CNTRL: variants seen among roughly 807,000 people sequenced by gnomAD.
CNTRL encodes centriolin.
Under a neutral mutation model 303.7 loss-of-function variants are expected in CNTRL, and 233 were observed. That is an observed-to-expected ratio of 0.77 (90% CI 0.69 to 0.86). CNTRL has a LOEUF of 0.86. Ranked by LOEUF, CNTRL falls within the 40% of genes least tolerant of loss-of-function variation. CNTRL has a pLI of 0.00. For synonymous variants in CNTRL, 900 were observed against 922.2 expected, an observed-to-expected ratio of 0.98 and a Z score of 0.44; for missense variants, 2,524 against 2,650.6, an observed-to-expected ratio of 0.95 and a Z score of 1.05.
At chr9:121,167,034 A>AG (rs1267471790) in intron 36 of CNTRL, among the ~76,000 whole-genome samples, 1 of 148,272 alleles carries the variant, frequency 6.7e-6, no homozygotes, top group Non-Finnish European at 1.5e-5. Context: ...AAAAAAAAAA[A>AG]GTTAACATTA....
rs146003402 is a variant in CNTRL at position 121,148,781 on chromosome 9, G to T, written c.3569G>T (p.Gly1190Val). 3.3e-5 allele frequency: 53 copies of T among 1,614,044 alleles called. No homozygotes were observed. The African/African-American group carries it at 5.1e-4, about 15-fold the overall frequency. The stretch of plus-strand genomic sequence containing the variant: ...CCTGGGCAGCAGGATGGGAAGGAAG[G>T]CAGTCAACCTCCCCCTGCCTCAGGA... ...PRPGQQDGKEGSQPPPASGYW... is the reference protein window; with the variant it reads ...PRPGQQDGKEVSQPPPASGYW... The change falls in exon 24 of 44, where the codon GGC becomes GTC. Residue 1190 changes from glycine (G) to valine (V), a missense_variant. Gly to Val is a moderately radical substitution (Grantham distance 109, BLOSUM62 -3). Coordinates refer to ENST00000373855, the MANE Select transcript of CNTRL (RefSeq NM_007018.6).
At chr9:121,101,220 C>G (rs945217301) in intron 7 of CNTRL, among the ~76,000 whole-genome samples, 3 of 152,304 alleles carry the variant, frequency 2.0e-5, no homozygotes, top group Admixed American at 2.0e-4. Flanking sequence ...CCAGTGCAAT[C>G]AAACTAGAAC....
chr9:121,081,245 A>G (rs2132046043), intron 2 of CNTRL, among the ~76,000 whole-genome samples: 1 of 152,322 alleles, frequency 6.6e-6, no homozygotes, highest in South Asian at 2.1e-4. Context: ...GTGAAGTTAT[A>G]TTATCTTTTA....
intron 1 of CNTRL, among the ~76,000 whole-genome samples, chr9:121,077,828 C>A (rs1271832050): frequency 6.6e-6 from 1 of 150,602 alleles, no homozygotes; most frequent in Non-Finnish European, 1.5e-5. Flanking sequence ...CGCCTGTAGT[C>A]CCAGCTACTC....
At chr9:121,083,415 G>A (rs4836837) in intron 2 of CNTRL, among the ~76,000 whole-genome samples, 90,833 of 151,792 alleles carry the variant, frequency 0.6, 29,371 homozygotes, top group South Asian at 0.89. Context: ...AAACTGAGAC[G>A]CAAACACACA....
At chr9:121,123,097 T>C (rs1184613649) in intron 12 of CNTRL, among the ~76,000 whole-genome samples, 1 of 152,214 alleles carries the variant, frequency 6.6e-6, no homozygotes, top group Non-Finnish European at 1.5e-5. Flanking sequence ...TTAATTTTTT[T>C]ATTAAAAAGG....
chr9:121,159,634 G>A (rs2052755820), intron 31 of CNTRL, among the ~76,000 whole-genome samples: 1 of 150,948 alleles, frequency 6.6e-6, no homozygotes, highest in East Asian at 2.0e-4. Context: ...GCAGTGAGCC[G>A]AGATCGTGCC....
intron 19 of CNTRL, among the ~76,000 whole-genome samples, chr9:121,142,671 A>G (rs1588239704): frequency 6.6e-6 from 1 of 152,020 alleles, no homozygotes; most frequent in East Asian, 1.9e-4. Context: ...TCAACCATCT[A>G]CTCCCATTGT....
At chr9:121,109,343 G>A (rs2049637276) in intron 8 of CNTRL, among the ~76,000 whole-genome samples, 1 of 152,124 alleles carries the variant, frequency 6.6e-6, no homozygotes, top group African/African-American at 2.4e-5. Context: ...GATATGGAGA[G>A]TAGACTGTAT....
chr9:121,100,244 G>C (rs2049090364), intron 7 of CNTRL, among the ~76,000 whole-genome samples: 1 of 152,116 alleles, frequency 6.6e-6, no homozygotes, highest in African/African-American at 2.4e-5. Context: ...AGAGAGTAGG[G>C]GCCAATATTC....
chr9:121,107,184 G>A (rs1248356338), intron 7 of CNTRL, among the ~76,000 whole-genome samples: 1 of 152,120 alleles, frequency 6.6e-6, no homozygotes, highest in Non-Finnish European at 1.5e-5. Flanking sequence ...CTTAAGACCT[G>A]TAGGATGCAA....
chr9:121,175,203 C>A lies in CNTRL; in HGVS notation c.6933C>A (p.Asp2311Glu), dbSNP rs747534173. The A allele has an allele frequency of 1.4e-5, 23 of 1,613,990 alleles. No individual in the cohort carries two copies. The highest frequency in any genetic ancestry group is 1.8e-5 in the Non-Finnish European group (21 of 1,180,010). The stretch of plus-strand genomic sequence containing the variant: ...AGCTGGAGTCTTCCCTCACAGAGGA[C>A]TCTCAACTTGGACAAAATCAGGTAA... Reference protein sequence around the residue: ...LSQLESSLTEDSQLGQNQEKN... With the variant: ...LSQLESSLTEESQLGQNQEKN... The change falls in exon 43 of 44, where the codon GAC becomes GAA. Residue 2311 changes from aspartate to glutamate, a missense_variant. Coordinates refer to ENST00000373855, the MANE Select transcript of CNTRL (RefSeq NM_007018.6).
intron 9 of CNTRL, 108 bp downstream of exon 9, chr9:121,112,686 A>G (rs906942628): frequency 2.4e-5 from 28 of 1,152,778 alleles, no homozygotes; most frequent in Non-Finnish European, 3.4e-5. Flanking sequence ...ATATCACTCC[A>G]CTTTCTTGTT....
chr9:121,161,737 C>G, intron 32 of CNTRL, 119 bp from the exon 33 acceptor site: 1 of 648,056 alleles, frequency 1.5e-6, no homozygotes, highest in Non-Finnish European at 2.6e-6. Context: ...ATTAATTCAG[C>G]TCAACAAAAT....
In CNTRL at chr9:121,173,516, G is replaced by A. The variant is rs372455156; in HGVS notation, c.6684+7G>A. ...TTCCCAAGTTCACATAATGGTAAGG[G>A]TTTATCCTGCTATTCTCTGGGTTCG... On this transcript the variant is annotated splice_region_variant and intron_variant, in intron 41 of 43. Transcript: ENST00000373855. 2 of 1,612,922 alleles carry A rather than the reference G, an allele frequency of 1.2e-6. No individual in the cohort carries two copies. The highest frequency in any genetic ancestry group is 1.1e-5 in the South Asian group (1 of 91,012).
intron 39 of CNTRL, among the ~76,000 whole-genome samples, chr9:121,170,835 C>G (rs893939210): frequency 6.6e-6 from 1 of 152,166 alleles, no homozygotes; most frequent in African/African-American, 2.4e-5. Flanking sequence ...TAATCATTAT[C>G]CTAAAACCAG....
At position 121,080,317 on chromosome 9, in the gene CNTRL, C is replaced by T. The variant is rs2048091564; in HGVS notation, c.-193C>T. The T allele has an allele frequency of 6.6e-6, 1 of 152,134 alleles. No individual in the cohort carries two copies. Among genetic ancestry groups the T allele is most frequent in the Non-Finnish European group, 1.5e-5 (1 of 68,026 alleles). The allele number at this position is 152,134 out of a possible 1,614,324, so 9.4% of individuals were successfully genotyped here. A position where few individuals can be genotyped will look rare whatever the true frequency, so the allele number is the denominator to read the frequency against. Reference sequence around the variant, plus strand: ...TGTCTGTTTTTTAGAGACAGGGGCTCCCTGTGTTTCCCAGGCTGCAGTGCA... The same window carrying T: ...TGTCTGTTTTTTAGAGACAGGGGCTTCCTGTGTTTCCCAGGCTGCAGTGCA... On this transcript the variant is annotated 5_prime_UTR_variant, in exon 2 of 44. Coordinates refer to ENST00000373855, the MANE Select transcript of CNTRL (RefSeq NM_007018.6).
chr9:121,173,492 T>A lies in CNTRL; in HGVS notation c.6667T>A (p.Ser2223Thr), dbSNP rs2053393593. 1.2e-6 allele frequency: 2 copies of A among 1,613,332 alleles called. No individual in the cohort carries two copies. The highest frequency in any genetic ancestry group is 1.7e-6 in the Non-Finnish European group (2 of 1,179,892). The change falls in exon 41 of 44, where the codon TCC becomes ACC. Residue 2223 changes from serine (S) to threonine (T), a missense_variant. Ser to Thr is a moderately conservative substitution (Grantham distance 58, BLOSUM62 1). Transcript: ENST00000373855. ...EGPFEEKLNFSQVHIMDEHWR... is the reference protein window; with the variant it reads ...EGPFEEKLNFTQVHIMDEHWR... The stretch of plus-strand genomic sequence containing the variant: ...ACCTTTTGAAGAAAAACTGAACTTT[T>A]CCCAAGTTCACATAATGGTAAGGGT...
intron 30 of CNTRL, 90 bp downstream of exon 30, chr9:121,158,199 G>A: frequency 6.9e-7 from 1 of 1,445,584 alleles, no homozygotes; most frequent in Non-Finnish European, 9.3e-7. Context: ...AAGAATAAAT[G>A]CGGCTATGTA....
Sources: gnomAD v4.1 joint callset for allele counts (sites outside exome capture counted in the v4.1 genomes callset) on GRCh38, gnomAD v4.1.1 for gene constraint, MANE v1.5 for transcripts, NCBI Gene and HGNC (gene_info 2026-07-23, HGNC 2026-07-21) for gene names.